ITGBL1: variants seen among roughly 807,000 people sequenced by gnomAD.
The protein encoded by ITGBL1 is integrin beta-like protein 1.
In ITGBL1, 51 loss-of-function variants were observed where a neutral mutation model predicts 68.5. The ratio of observed to expected loss-of-function variants is 0.74; its 90% CI spans 0.59 to 0.94. ITGBL1 has a LOEUF of 0.94. Ranked by LOEUF, ITGBL1 falls within the 40% of genes least tolerant of loss-of-function variation. ITGBL1 has a pLI of 0.00. For synonymous variants in ITGBL1, 209 were observed against 227.3 expected (o/e 0.92, Z 0.72); for missense variants, 649 against 647.4 (o/e 1.00, Z -0.03).
intron 7 of ITGBL1, among the ~76,000 whole-genome samples, chr13:101,657,318 C>T (rs2032956543): frequency 6.6e-6 from 1 of 152,130 alleles, no homozygotes; most frequent in Non-Finnish European, 1.5e-5. Context: ...TTTTATTCAA[C>T]CTCATTGTTT....
intron 7 of ITGBL1, among the ~76,000 whole-genome samples, chr13:101,630,428 A>G (rs1318687591): frequency 6.6e-6 from 1 of 152,216 alleles, no homozygotes; most frequent in South Asian, 2.1e-4. Context: ...TCACTTGTAT[A>G]TTTAAATTCT....
intron 8 of ITGBL1, among the ~76,000 whole-genome samples, chr13:101,704,398 G>A (rs2034205268): frequency 6.9e-6 from 1 of 144,116 alleles, no homozygotes; most frequent in Admixed American, 7.2e-5. Context: ...AAAATTTAAT[G>A]GATTTTTCAA....
chr13:101,541,467 G>T (rs954261673), intron 2 of ITGBL1, among the ~76,000 whole-genome samples: 2 of 152,180 alleles, frequency 1.3e-5, no homozygotes, highest in African/African-American at 4.8e-5. Flanking sequence ...GTATTTTATT[G>T]AGGATTTCTG....
intron 7 of ITGBL1, among the ~76,000 whole-genome samples, chr13:101,682,321 A>G (rs1174941202): frequency 6.6e-6 from 1 of 152,142 alleles, no homozygotes; most frequent in African/African-American, 2.4e-5. Context: ...GACTTACCCT[A>G]TAAGTAAAAG....
At chr13:101,604,877 T>TACACACACACACACACACAC (rs1298257111) in intron 7 of ITGBL1, among the ~76,000 whole-genome samples, 1 of 21,692 alleles carries the variant, frequency 4.6e-5, no homozygotes, top group Non-Finnish European at 1.1e-4. Flanking sequence ...TATATATATA[T>TACACACACACACACACACAC]ATATATATAT....
At chr13:101,692,251 G>A (rs1253234978) in intron 7 of ITGBL1, among the ~76,000 whole-genome samples, 1 of 152,088 alleles carries the variant, frequency 6.6e-6, no homozygotes, top group Non-Finnish European at 1.5e-5. Context: ...ATTATGTTAT[G>A]TTCAAGGAAT....
rs531712627 is a variant in ITGBL1, at chr13:101,605,625, T to C, written c.1015+7326T>C. Among the ~76,000 whole-genome samples the C allele has an allele frequency of 7.7e-4, 112 of 144,910 alleles. No individual in the cohort carries two copies. The South Asian group carries it at 0.023, about 29-fold the overall frequency. On this transcript the variant is annotated intron_variant, in intron 7 of 10. Transcript: ENST00000376180. ...GTGTATATGCGTATATATATACACG[T>C]ATGTAGACATGTATGTGTGTATGCG...
intron 2 of ITGBL1, among the ~76,000 whole-genome samples, chr13:101,546,024 A>C (rs889685303): frequency 6.6e-6 from 1 of 152,346 alleles, no homozygotes; most frequent in African/African-American, 2.4e-5. Flanking sequence ...CAAGTAGCCA[A>C]ATAGATGAAT....
At chr13:101,691,601 C>A (rs1416567700) in intron 7 of ITGBL1, among the ~76,000 whole-genome samples, 1 of 152,124 alleles carries the variant, frequency 6.6e-6, no homozygotes, top group East Asian at 1.9e-4. Flanking sequence ...GTCACCCAAG[C>A]AAATTTCTGG....
chr13:101,535,282 C>T (rs1399413897), intron 2 of ITGBL1, among the ~76,000 whole-genome samples: 1 of 152,008 alleles, frequency 6.6e-6, no homozygotes, highest in African/African-American at 2.4e-5. Flanking sequence ...CAGCAGAAGA[C>T]TAGGAAAAGT....
At chr13:101,618,691 A>G (rs1445627331) in intron 7 of ITGBL1, among the ~76,000 whole-genome samples, 12 of 152,124 alleles carry the variant, frequency 7.9e-5, no homozygotes, top group Admixed American at 7.2e-4. Context: ...AGCCTCCAAC[A>G]CACACGTTTC....
chr13:101,708,327 C>T (rs537800159), intron 9 of ITGBL1, among the ~76,000 whole-genome samples: 72 of 152,268 alleles, frequency 4.7e-4, no homozygotes, highest in Non-Finnish European at 8.7e-4. Flanking sequence ...GGCTTCCCAG[C>T]TCTCCTCTTC....
Position 101,535,806 on chromosome 13 carries a change from G to A in ITGBL1, c.317-31893G>A, listed in dbSNP as rs186718967. Among the ~76,000 whole-genome samples the A allele has an allele frequency of 2.9e-3, 444 of 152,160 alleles. 3 individuals carry two copies. Among genetic ancestry groups the A allele is most frequent in the Admixed American group, 6.5e-3 (100 of 15,268 alleles). On this transcript the variant is annotated intron_variant, in intron 2 of 10. Transcript: ENST00000376180. ...AAAAAATTTTTCCTTGCAAAATTTT[G>A]CAATTCGAATCTCTTCTTCATAATC...
At chr13:101,526,614 C>T (rs1354921084) in intron 2 of ITGBL1, among the ~76,000 whole-genome samples, 1 of 151,738 alleles carries the variant, frequency 6.6e-6, no homozygotes, top group South Asian at 2.1e-4. Flanking sequence ...TCTAGGCGCT[C>T]TTTTGGTTTG....
chr13:101,599,457 A>T (rs939047220), intron 7 of ITGBL1, among the ~76,000 whole-genome samples: 42 of 151,206 alleles, frequency 2.8e-4, no homozygotes, highest in African/African-American at 9.0e-4. Flanking sequence ...CCCATTTGTC[A>T]ATTTTGACTT....
chr13:101,460,105 CA>C (rs2048298135), intron 2 of ITGBL1, among the ~76,000 whole-genome samples: 1 of 151,952 alleles, frequency 6.6e-6, no homozygotes, highest in African/African-American at 2.4e-5. Context: ...TTCTATTTTT[CA>C]TCTTCTCTCC....
chr13:101,491,492 C>T (rs944181932), intron 2 of ITGBL1, among the ~76,000 whole-genome samples: 2 of 152,158 alleles, frequency 1.3e-5, no homozygotes, highest in Non-Finnish European at 2.9e-5. Context: ...CCTGTGGCCT[C>T]CCAAATTGTA....
intron 7 of ITGBL1, among the ~76,000 whole-genome samples, chr13:101,646,808 G>A (rs1469849): frequency 6.6e-6 from 1 of 151,946 alleles, no homozygotes. Context: ...TCAAAGGACA[G>A]TGAAAGACAT....
chr13:101,717,260 AT>A (rs1478324665), downstream of ITGBL1: 1 of 152,108 alleles, frequency 6.6e-6, no homozygotes. Flanking sequence ...ACTGATCCTG[AT>A]TTTTATAGTA....
Sources: gnomAD v4.1 joint callset for allele counts (sites outside exome capture counted in the v4.1 genomes callset) on GRCh38, gnomAD v4.1.1 for gene constraint, MANE v1.5 for transcripts, NCBI Gene and HGNC (gene_info 2026-07-23, HGNC 2026-07-21) for gene names.